The following SPOP variants were observed in gnomAD, a reference collection of about 807,000 sequenced individuals.
The protein encoded by SPOP is speckle type BTB/POZ protein, also known as speckle-type POZ protein.
SPOP carries 11 observed loss-of-function variants against 45.6 expected under a neutral mutation model. That is an observed-to-expected ratio of 0.24 (90% CI 0.15 to 0.40). The LOEUF is 0.40. SPOP is among the 10% of genes least tolerant of loss of function. The probability of loss-of-function intolerance (pLI) is 1.00; values close to 1 mark genes in which losing one functional copy is unlikely to be tolerated. For synonymous variants in SPOP, 166 were observed against 166.3 expected (o/e 1.00, Z 0.01); for missense variants, 152 against 465.6 (o/e 0.33, Z 6.20).
intron 1 of SPOP, among the ~76,000 whole-genome samples, chr17:49,628,499 A>G (rs767721587): frequency 6.6e-6 from 1 of 152,088 alleles, no homozygotes; most frequent in Non-Finnish European, 1.5e-5. Context: ...TTCTAACTAG[A>G]ATATTAAACT....
intron 5 of SPOP, 142 bp downstream of exon 5, chr17:49,618,839 A>G (rs2072147207): frequency 8.6e-6 from 9 of 1,044,172 alleles, no homozygotes; most frequent in African/African-American, 3.2e-5. Flanking sequence ...AGGTAGCTCA[A>G]TCAGTCACAT....
intron 1 of SPOP, among the ~76,000 whole-genome samples, chr17:49,676,439 G>C (rs150166858): frequency 6.6e-6 from 1 of 152,156 alleles, no homozygotes; most frequent in East Asian, 1.9e-4. Flanking sequence ...GTTAAAAGGG[G>C]AAGTGAAAAA....
intron 1 of SPOP, among the ~76,000 whole-genome samples, chr17:49,652,442 T>C (rs1402887819): frequency 6.6e-6 from 1 of 152,200 alleles, no homozygotes; most frequent in African/African-American, 2.4e-5. Flanking sequence ...AATCTCACCA[T>C]TACCAATGTC....
At chr17:49,627,090 T>C (rs1016106019) in intron 1 of SPOP, among the ~76,000 whole-genome samples, 23 of 152,130 alleles carry the variant, frequency 1.5e-4, no homozygotes, top group Admixed American at 3.9e-4. Flanking sequence ...ACCTCGTGAT[T>C]TGCCCACCTT....
chr17:49,655,435 C>T (rs1301123675), intron 1 of SPOP, among the ~76,000 whole-genome samples: 3 of 151,596 alleles, frequency 2.0e-5, no homozygotes, highest in South Asian at 2.1e-4. Flanking sequence ...GGCGTGAACC[C>T]GGGAGGCGGA....
At position 49,615,078 on chromosome 17, in the gene SPOP, C is replaced by T. The variant is rs936971646; in HGVS notation, c.481-3621G>A. On this transcript the variant is annotated intron_variant, in intron 5 of 9. Transcript: ENST00000504102. ...CTCACTATGTTGCCCAGGCTGGTCT[C>T]GAACTTCTGGGCTTGAATGATCCTC... 1.1e-4 allele frequency among the ~76,000 whole-genome samples: 17 copies of T among 152,144 alleles called. No homozygotes were observed. In the East Asian group the frequency reaches 2.7e-3, roughly 24 times the overall value.
rs2071696597 is a variant in SPOP, at chr17:49,599,324, T to A, written c.*1054A>T. The A allele has an allele frequency of 6.5e-5, 14 of 216,116 alleles. No homozygotes were observed. The highest frequency in any genetic ancestry group is 1.0e-4 in the Non-Finnish European group (11 of 107,448). The allele number at this position is 216,116 out of a possible 1,614,324, so 13.4% of individuals were successfully genotyped here. On this transcript the variant is annotated 3_prime_UTR_variant, in exon 10 of 10. Coordinates refer to ENST00000504102, the MANE Select transcript of SPOP (RefSeq NM_001007228.2). ...ATTTATATTTTCAAAAAAAAAAAAA[T>A]TAACATTTGGAAGTTCTCCCCTGGA...
chr17:49,644,113 C>G (rs879614120), intron 1 of SPOP, among the ~76,000 whole-genome samples: 10 of 152,036 alleles, frequency 6.6e-5, no homozygotes, highest in Non-Finnish European at 1.3e-4. Context: ...CACCTGTAAT[C>G]CCAACACTTT....
intron 1 of SPOP, among the ~76,000 whole-genome samples, chr17:49,638,090 G>C (rs912043376): frequency 6.6e-6 from 1 of 152,156 alleles, no homozygotes; most frequent in Non-Finnish European, 1.5e-5. Context: ...GAGAGAAAGA[G>C]GTTCCTGTTG....
chr17:49,669,055 C>T (rs1293869510), intron 1 of SPOP, among the ~76,000 whole-genome samples: 1 of 142,696 alleles, frequency 7.0e-6, no homozygotes, highest in African/African-American at 2.7e-5. Context: ...GGATTACAGG[C>T]GCGAGCCACC....
intron 6 of SPOP, among the ~76,000 whole-genome samples, chr17:49,610,779 T>C (rs747693335): frequency 6.6e-6 from 1 of 152,218 alleles, no homozygotes; most frequent in Non-Finnish European, 1.5e-5. Context: ...TCAATCTCCC[T>C]GGTCTTGAAA....
chr17:49,631,169 A>C (rs1434810486), intron 1 of SPOP, among the ~76,000 whole-genome samples: 1 of 152,230 alleles, frequency 6.6e-6, no homozygotes, highest in African/African-American at 2.4e-5. Context: ...ACAAATATAA[A>C]AGGTTTTTCA....
intron 1 of SPOP, among the ~76,000 whole-genome samples, chr17:49,652,914 T>C (rs1018294345): frequency 1.3e-5 from 2 of 152,210 alleles, no homozygotes; most frequent in African/African-American, 4.8e-5. Flanking sequence ...TTAAGAACTG[T>C]CTTACAAAGG....
intron 1 of SPOP, among the ~76,000 whole-genome samples, chr17:49,668,905 T>G (rs1273999639): frequency 6.6e-6 from 1 of 151,296 alleles, no homozygotes; most frequent in African/African-American, 2.4e-5. Flanking sequence ...GCCTCCCGAG[T>G]AGCTGGGACT....
rs950267223 is a variant in SPOP at position 49,601,715 on chromosome 17, G to C, written c.980+150C>G. 7 of 953,706 alleles carry C rather than the reference G, an allele frequency of 7.3e-6. No individual in the cohort carries two copies. The East Asian group carries it at 1.8e-4, about 25-fold the overall frequency. 59.1% of individuals were successfully genotyped at this position (953,706 alleles called of 1,614,324 possible). On this transcript the variant is annotated intron_variant, in intron 9 of 9. Coordinates refer to ENST00000504102, the MANE Select transcript of SPOP (RefSeq NM_001007228.2). Reference sequence around the variant, plus strand: ...TCAACCCATGAAGTCAATTCCATACGGTCAACTGAAGGAAAAGATGAAAAC... The same window carrying C: ...TCAACCCATGAAGTCAATTCCATACCGTCAACTGAAGGAAAAGATGAAAAC...
At chr17:49,625,613 A>G (rs1409140902) in intron 1 of SPOP, among the ~76,000 whole-genome samples, 1 of 152,202 alleles carries the variant, frequency 6.6e-6, no homozygotes, top group African/African-American at 2.4e-5. Context: ...CATCTCAAAA[A>G]ATAAAATAAA....
At chr17:49,668,326 C>T (rs916505967) in intron 1 of SPOP, among the ~76,000 whole-genome samples, 3 of 151,728 alleles carry the variant, frequency 2.0e-5, no homozygotes, top group Admixed American at 1.3e-4. Flanking sequence ...ATGGATAAAC[C>T]GTGGTACAGC....
Position 49,626,665 on chromosome 17 carries a change from A to T in SPOP, c.-66-3789T>A, listed in dbSNP as rs79046107. On this transcript the variant is annotated intron_variant, in intron 1 of 9. Transcript: ENST00000504102. The stretch of plus-strand genomic sequence containing the variant: ...CAGTGAGCCAAGATGTCGCCATTGC[A>T]CTCTAGCCTGGGAGACAGAGGAAAA... 9.9e-5 allele frequency among the ~76,000 whole-genome samples: 15 copies of T among 151,608 alleles called. No homozygotes were observed. The East Asian group carries it at 2.9e-3, about 29-fold the overall frequency.
At chr17:49,602,634 T>C (rs1274680243) in intron 8 of SPOP, among the ~76,000 whole-genome samples, 1 of 152,172 alleles carries the variant, frequency 6.6e-6, no homozygotes, top group East Asian at 1.9e-4. Context: ...CACTAGTTGT[T>C]TCTGAATGAG....
Sources: allele counts gnomAD v4.1 joint callset (sites outside exome capture counted in the v4.1 genomes callset), GRCh38; gene constraint gnomAD v4.1.1; transcripts MANE v1.5; gene names NCBI Gene and HGNC (gene_info 2026-07-23, HGNC 2026-07-21).